The following SUGCT variants were observed in gnomAD, a reference collection of about 807,000 sequenced individuals.
SUGCT encodes the protein succinyl-CoA:glutarate-CoA transferase, also known as succinyl-CoA:glutarate CoA-transferase.
Under a neutral mutation model 55.0 loss-of-function variants are expected in SUGCT, and 41 were observed. That is an observed-to-expected ratio of 0.74 (90% CI 0.58 to 0.97). The LOEUF is 0.97. SUGCT is among the 50% of genes least tolerant of loss of function. The pLI, the probability that SUGCT is intolerant of heterozygous loss-of-function variation, is 0.00. For missense variants in SUGCT, 568 were observed against 547.8 expected (o/e 1.04, Z -0.37); for synonymous variants, 187 against 200.4 (o/e 0.93, Z 0.56).
At chr7:40,147,664 T>G (rs1218727232) in intron 1 of SUGCT, among the ~76,000 whole-genome samples, 3 of 152,180 alleles carry the variant, frequency 2.0e-5, no homozygotes, top group Non-Finnish European at 4.4e-5. Flanking sequence ...GCTGGCCAGT[T>G]TCTCTCCGCG....
intron 6 of SUGCT, among the ~76,000 whole-genome samples, chr7:40,227,988 T>C (rs1788487551): frequency 6.6e-6 from 1 of 152,108 alleles, no homozygotes; most frequent in African/African-American, 2.4e-5. Context: ...GTTCAAGCGA[T>C]TCTCCTGCCT....
chr7:40,997,948 C>G, the SUGCT span, among the ~76,000 whole-genome samples: 1 of 152,078 alleles, frequency 6.6e-6, no homozygotes, highest in Admixed American at 6.5e-5. Flanking sequence ...CATAAGCAAC[C>G]TGCTCAATGC....
chr7:40,214,269 T>C (rs1002811192), intron 6 of SUGCT, among the ~76,000 whole-genome samples: 3 of 152,176 alleles, frequency 2.0e-5, no homozygotes, highest in African/African-American at 7.2e-5. Context: ...ACAAAAAAAT[T>C]ACTGTCCTCA....
chr7:40,959,729 A>C, the SUGCT span, among the ~76,000 whole-genome samples: 2 of 151,890 alleles, frequency 1.3e-5, no homozygotes, highest in Admixed American at 1.3e-4. Context: ...AAAAAAAAAA[A>C]ACTCCTACAG....
At chr7:40,464,185 C>G (rs1789970817) in intron 11 of SUGCT, among the ~76,000 whole-genome samples, 1 of 152,270 alleles carries the variant, frequency 6.6e-6, no homozygotes, top group East Asian at 1.9e-4. Context: ...CTCTCTCTTC[C>G]TCTCTTCACC....
intron 13 of SUGCT, among the ~76,000 whole-genome samples, chr7:40,840,696 G>A (rs1375991555): frequency 7.3e-6 from 1 of 137,890 alleles, no homozygotes; most frequent in Non-Finnish European, 1.6e-5. Context: ...TAAAAGGAAG[G>A]TATTGATAAA....
At chr7:40,225,355 G>A (rs1032697252) in intron 6 of SUGCT, among the ~76,000 whole-genome samples, 3 of 152,034 alleles carry the variant, frequency 2.0e-5, no homozygotes, top group African/African-American at 7.2e-5. Context: ...TTCTGTGGTA[G>A]AGATTGAGGG....
In SUGCT at chr7:40,363,536, G is replaced by C. The variant is rs575785886; in HGVS notation, c.816+46681G>C. 1.9e-3 allele frequency among the ~76,000 whole-genome samples: 289 copies of C among 152,274 alleles called. 12 individuals are homozygous for C. The South Asian group carries it at 0.057, about 30-fold the overall frequency. On this transcript the variant is annotated intron_variant, in intron 9 of 13. Transcript: ENST00000335693. ...TGTCTTTGTTCTCGCTGGTTTCAAA[G>C]AACATCTTTATTTCTGCCTTCATTT... is the stretch of plus-strand genomic sequence containing the variant.
chr7:40,982,345 C>T, the SUGCT span, among the ~76,000 whole-genome samples: 6 of 152,272 alleles, frequency 3.9e-5, 1 homozygote, highest in South Asian at 1.2e-3. Context: ...GACAATGTGA[C>T]CTGGCATTGT....
At chr7:40,195,879 G>C (rs1362169151) in intron 6 of SUGCT, among the ~76,000 whole-genome samples, 2 of 151,312 alleles carry the variant, frequency 1.3e-5, no homozygotes, top group Admixed American at 1.3e-4. Context: ...ATGCCTGGCT[G>C]ATTTTTGTAT....
chr7:40,187,998 C>G (rs1254052967), intron 3 of SUGCT, among the ~76,000 whole-genome samples: 1 of 151,868 alleles, frequency 6.6e-6, no homozygotes, highest in Non-Finnish European at 1.5e-5. Context: ...AACCCTGTCT[C>G]TACTAAAAAT....
At chr7:40,946,557 C>T in the SUGCT span, among the ~76,000 whole-genome samples, 1 of 152,148 alleles carries the variant, frequency 6.6e-6, no homozygotes, top group Admixed American at 6.5e-5. Flanking sequence ...TTTATTTGTT[C>T]ATGTGGATTT....
chr7:40,365,960 A>G (rs985570519), intron 9 of SUGCT, among the ~76,000 whole-genome samples: 2 of 152,240 alleles, frequency 1.3e-5, no homozygotes, highest in Non-Finnish European at 2.9e-5. Flanking sequence ...CGCCAAGTCA[A>G]TCCTAAGCCA....
At chr7:40,481,192 A>G (rs1483013735) in intron 11 of SUGCT, among the ~76,000 whole-genome samples, 1 of 151,936 alleles carries the variant, frequency 6.6e-6, no homozygotes, top group Non-Finnish European at 1.5e-5. Flanking sequence ...ATAAAAATTA[A>G]CTAGGCATGG....
chr7:40,467,966 CTTTTT>C (rs79872831), intron 11 of SUGCT, among the ~76,000 whole-genome samples: 2 of 124,374 alleles, frequency 1.6e-5, no homozygotes, highest in African/African-American at 2.9e-5. Flanking sequence ...TACTCATTTT[CTTTTT>C]TTTTTTTTTT....
chr7:40,601,526 T>C (rs1798284898), intron 12 of SUGCT, among the ~76,000 whole-genome samples: 1 of 152,250 alleles, frequency 6.6e-6, no homozygotes, highest in African/African-American at 2.4e-5. Flanking sequence ...CCTGGCTTTA[T>C]GCTGTGGTTC....
the SUGCT span, among the ~76,000 whole-genome samples, chr7:40,899,458 T>C: frequency 4.6e-5 from 7 of 152,216 alleles, no homozygotes; most frequent in African/African-American, 9.6e-5. Context: ...CTGTGAAGCA[T>C]ATAAAAAGAC....
chr7:40,522,284 A>G (rs1430066144), intron 12 of SUGCT, among the ~76,000 whole-genome samples: 2 of 152,172 alleles, frequency 1.3e-5, no homozygotes, highest in South Asian at 2.1e-4. Context: ...CAGAGAAACC[A>G]ACTCTAACTG....
chr7:40,715,516 A>G (rs983071565), intron 12 of SUGCT, among the ~76,000 whole-genome samples: 2 of 152,076 alleles, frequency 1.3e-5, no homozygotes, highest in African/African-American at 2.4e-5. Flanking sequence ...AAAGAGCTCA[A>G]TGTGTCTAAA....
Sources: gnomAD v4.1 joint callset for allele counts (sites outside exome capture counted in the v4.1 genomes callset) on GRCh38, gnomAD v4.1.1 for gene constraint, MANE v1.5 for transcripts, NCBI Gene and HGNC (gene_info 2026-07-23, HGNC 2026-07-21) for gene names.